Variants in HEATR5B observed in about 807,000 individuals in gnomAD.
HEATR5B encodes the protein HEAT repeat containing 5B.
In HEATR5B, 156 loss-of-function variants were observed where a neutral mutation model predicts 224.1. The observed-to-expected ratio is 0.70, with a 90% confidence interval of 0.61 to 0.80. HEATR5B has a LOEUF of 0.80. Ranked by LOEUF, HEATR5B falls within the 30% of genes least tolerant of loss-of-function variation. The pLI, the probability that HEATR5B is intolerant of heterozygous loss-of-function variation, is 0.00. For missense variants in HEATR5B, 2,323 were observed against 2,535.5 expected (o/e 0.92, Z 1.80); for synonymous variants, 1,027 against 893.0 (o/e 1.15, Z -2.68).
At position 37,084,261 on chromosome 2, in the gene HEATR5B, G is replaced by C. The variant is rs1672833475; in HGVS notation, c.-23+8C>G. 1 of 389,414 alleles carries C rather than the reference G, an allele frequency of 2.6e-6. No individual in the cohort carries two copies. The highest frequency in any genetic ancestry group is 1.4e-4 in the South Asian group (1 of 6,946). 24.1% of individuals were successfully genotyped at this position (389,414 alleles called of 1,614,324 possible). Reference sequence around the variant, plus strand: ...TGCGTGTCAACATGCATGCTTCGGCGACCTCACCTCGTAGTCTGGAAGGGA... The same window carrying C: ...TGCGTGTCAACATGCATGCTTCGGCCACCTCACCTCGTAGTCTGGAAGGGA... On this transcript the variant is annotated splice_region_variant and intron_variant, in intron 1 of 35. Coordinates refer to ENST00000233099, the MANE Select transcript of HEATR5B (RefSeq NM_019024.3).
At chr2:37,082,529 G>A (rs1248851324) in intron 2 of HEATR5B, among the ~76,000 whole-genome samples, 6 of 152,138 alleles carry the variant, frequency 3.9e-5, no homozygotes, top group African/African-American at 9.7e-5. Flanking sequence ...CCCGAATGAG[G>A]GCAAGGAACA....
chr2:37,083,782 C>A (rs1435821349), intron 1 of HEATR5B, among the ~76,000 whole-genome samples: 4 of 152,216 alleles, frequency 2.6e-5, no homozygotes. Flanking sequence ...AACACCCCAG[C>A]CGGGCTTGAC....
intron 33 of HEATR5B, among the ~76,000 whole-genome samples, chr2:36,998,807 C>T (rs1194991917): frequency 6.6e-6 from 1 of 151,752 alleles, no homozygotes; most frequent in Non-Finnish European, 1.5e-5. Context: ...ATATATATTG[C>T]TCATAGTTAT....
chr2:37,082,220 C>G (rs1013040852), intron 2 of HEATR5B, among the ~76,000 whole-genome samples: 8 of 151,524 alleles, frequency 5.3e-5, no homozygotes, highest in African/African-American at 1.9e-4. Context: ...CAGGCGCCCA[C>G]GACCACGCCT....
chr2:37,074,518 C>T (rs1414025272), intron 5 of HEATR5B, among the ~76,000 whole-genome samples: 2 of 152,036 alleles, frequency 1.3e-5, no homozygotes, highest in African/African-American at 4.8e-5. Flanking sequence ...TCCTTAGATA[C>T]AACACCAAAA....
At chr2:37,050,853 C>CA (rs1670497066) in intron 17 of HEATR5B, among the ~76,000 whole-genome samples, 1 of 152,118 alleles carries the variant, frequency 6.6e-6, no homozygotes, top group East Asian at 1.9e-4. Flanking sequence ...TCCTGGCCAA[C>CA]ATGGTGAAAA....
intron 18 of HEATR5B, among the ~76,000 whole-genome samples, chr2:37,045,114 C>T (rs1670108307): frequency 6.6e-6 from 1 of 152,096 alleles, no homozygotes; most frequent in African/African-American, 2.4e-5. Context: ...CTCAGGTTTT[C>T]CTGTACTTCC....
At chr2:37,033,143 T>C (rs1265368861) in intron 21 of HEATR5B, among the ~76,000 whole-genome samples, 2 of 152,102 alleles carry the variant, frequency 1.3e-5, no homozygotes, top group Non-Finnish European at 2.9e-5. Flanking sequence ...CCTCCCAAAG[T>C]GCTGGGATTA....
chr2:36,995,306 G>A, intron 33 of HEATR5B, among the ~76,000 whole-genome samples: 1 of 151,898 alleles, frequency 6.6e-6, no homozygotes, highest in Non-Finnish European at 1.5e-5. Context: ...GGCCAGCCTG[G>A]TCTCGAACTC....
intron 8 of HEATR5B, among the ~76,000 whole-genome samples, chr2:37,068,260 C>G (rs995728254): frequency 4.6e-5 from 7 of 152,106 alleles, no homozygotes; most frequent in African/African-American, 1.7e-4. Context: ...TTACAGCGGG[C>G]TAATAACCAT....
At chr2:37,008,495 C>T in intron 28 of HEATR5B, 116 bp downstream of exon 28, 1 of 736,416 alleles carries the variant, frequency 1.4e-6, no homozygotes, top group Non-Finnish European at 2.4e-6. Context: ...CAAACTTAAG[C>T]CACAGAAATT....
chr2:37,008,705 T>C lies in HEATR5B; in HGVS notation c.4428A>G (p.Glu1476=). ...ACCACAGGCGACTGAGTGTTGGTAGTTCAGGTTGTACCAGTGTTATTAAAC... is the reference window on the plus strand; with the variant it reads ...ACCACAGGCGACTGAGTGTTGGTAGCTCAGGTTGTACCAGTGTTATTAAAC... ...PDSLITLVQP[E]LPTLSRLWLA... is the part of the protein sequence containing the mutation. Residue 1476 remains glutamate (E), a synonymous_variant, in exon 28 of 36, where the codon GAA becomes GAG. Transcript: ENST00000233099. 1.2e-6 allele frequency: 2 copies of C among 1,614,166 alleles called. No individual in the cohort carries two copies. The highest frequency in any genetic ancestry group is 1.7e-6 in the Non-Finnish European group (2 of 1,180,018).
At chr2:37,061,599 C>G (rs760368396) in intron 11 of HEATR5B, among the ~76,000 whole-genome samples, 62 of 152,292 alleles carry the variant, frequency 4.1e-4, no homozygotes, top group Non-Finnish European at 6.9e-4. Flanking sequence ...TTAAATGTGA[C>G]TTTACCACTC....
chr2:36,991,281 C>A (rs1192292279), intron 33 of HEATR5B, among the ~76,000 whole-genome samples: 1 of 151,818 alleles, frequency 6.6e-6, no homozygotes. Context: ...AATCCCAGCA[C>A]TTTGGGAGGC....
At chr2:37,014,107 T>C (rs928375049) in intron 26 of HEATR5B, 87 bp from the exon 27 acceptor site, 5 of 695,186 alleles carry the variant, frequency 7.2e-6, no homozygotes, top group African/African-American at 1.8e-5. Context: ...TCCTAGAAGA[T>C]AAAACACAAA....
At chr2:37,035,366 G>A (rs2372913) in intron 21 of HEATR5B, among the ~76,000 whole-genome samples, 77,098 of 151,968 alleles carry the variant, frequency 0.51, 19,767 homozygotes, top group East Asian at 0.66. Flanking sequence ...TGCCACAGTC[G>A]TAAGTTATAT....
At chr2:36,998,452 C>A (rs75443415) in intron 33 of HEATR5B, among the ~76,000 whole-genome samples, 1 of 152,102 alleles carries the variant, frequency 6.6e-6, no homozygotes, top group Admixed American at 6.6e-5. Flanking sequence ...CTGGTGAGAG[C>A]GTAAATTCAT....
intron 33 of HEATR5B, among the ~76,000 whole-genome samples, chr2:36,994,930 T>C (rs1490889247): frequency 6.6e-6 from 1 of 151,722 alleles, no homozygotes; most frequent in Admixed American, 6.6e-5. Context: ...TTTTGTATTT[T>C]TAGTAGAGAC....
intron 16 of HEATR5B, among the ~76,000 whole-genome samples, chr2:37,055,393 T>C (rs1225880619): frequency 6.6e-6 from 1 of 152,180 alleles, no homozygotes; most frequent in Non-Finnish European, 1.5e-5. Flanking sequence ...ATAGCTTTCA[T>C]AACTAGTTGT....
Sources: gnomAD v4.1 joint callset for allele counts (sites outside exome capture counted in the v4.1 genomes callset) on GRCh38, gnomAD v4.1.1 for gene constraint, MANE v1.5 for transcripts, NCBI Gene and HGNC (gene_info 2026-07-23, HGNC 2026-07-21) for gene names.